The following LRP1B variants were observed in gnomAD, a reference collection of about 807,000 sequenced individuals.
LRP1B encodes the protein LDL receptor related protein 1B.
In LRP1B, 217 loss-of-function variants were observed where a neutral mutation model predicts 556.6. The observed-to-expected ratio is 0.39, with a 90% CI of 0.35 to 0.44. The LOEUF (loss-of-function observed/expected upper bound fraction) is 0.44. Among genes scored for constraint, LRP1B ranks in the 20% least tolerant of loss-of-function variants. The pLI is 1.00. For synonymous variants in LRP1B, 2,047 were observed against 1,865.8 expected, an observed-to-expected ratio of 1.10 and a Z score of -2.50; for missense variants, 5,053 against 5,620.8, an observed-to-expected ratio of 0.90 and a Z score of 3.23.
chr2:141,709,978 A>T (rs1692298255), intron 2 of LRP1B, among the ~76,000 whole-genome samples: 1 of 152,016 alleles, frequency 6.6e-6, no homozygotes, highest in African/African-American at 2.4e-5. Context: ...CACATGGTTG[A>T]AGTACAAGGG....
chr2:141,800,105 T>C (rs559416758), intron 2 of LRP1B, among the ~76,000 whole-genome samples: 2 of 152,274 alleles, frequency 1.3e-5, no homozygotes, highest in South Asian at 4.2e-4. Flanking sequence ...CCCTGTCATA[T>C]AGTAGTCACT....
At chr2:141,729,749 C>A (rs1312183864) in intron 2 of LRP1B, among the ~76,000 whole-genome samples, 1 of 152,146 alleles carries the variant, frequency 6.6e-6, no homozygotes, top group African/African-American at 2.4e-5. Flanking sequence ...GCTCTTTGAA[C>A]ATATTTTATT....
chr2:141,023,847 T>A (rs1051945151), intron 11 of LRP1B, among the ~76,000 whole-genome samples: 5 of 152,018 alleles, frequency 3.3e-5, no homozygotes, highest in Non-Finnish European at 7.4e-5. Flanking sequence ...TTTTTCTACC[T>A]TATACAAGTT....
At chr2:140,324,925 T>C (rs999928257) in intron 80 of LRP1B, among the ~76,000 whole-genome samples, 7 of 151,530 alleles carry the variant, frequency 4.6e-5, no homozygotes, top group African/African-American at 1.7e-4. Flanking sequence ...CACACACACT[T>C]TAGGCAAAGG....
intron 2 of LRP1B, among the ~76,000 whole-genome samples, chr2:141,524,726 A>C (rs1432319405): frequency 6.6e-6 from 1 of 152,006 alleles, no homozygotes; most frequent in African/African-American, 2.4e-5. Context: ...TTCACTATGC[A>C]GAGACTTGAA....
At chr2:141,752,943 C>CAAAAAAAAAAA (rs1406424286) in intron 2 of LRP1B, among the ~76,000 whole-genome samples, 1 of 986 alleles carries the variant, frequency 1.0e-3, no homozygotes, top group Non-Finnish European at 2.6e-3. Flanking sequence ...GACCCTGTCT[C>CAAAAAAAAAAA]AGAAAAAAAA....
chr2:142,104,163 C>T (rs1340129560), intron 1 of LRP1B, among the ~76,000 whole-genome samples: 3 of 151,978 alleles, frequency 2.0e-5, no homozygotes, highest in Admixed American at 6.6e-5. Context: ...ATCTATAATC[C>T]ACATATTACC....
intron 1 of LRP1B, among the ~76,000 whole-genome samples, chr2:141,859,626 C>T (rs1013108415): frequency 6.6e-6 from 1 of 152,074 alleles, no homozygotes; most frequent in Non-Finnish European, 1.5e-5. Context: ...CTGTATATTT[C>T]AAATGGCTAG....
chr2:140,691,993 T>C (rs1377867090), intron 41 of LRP1B, among the ~76,000 whole-genome samples: 1 of 152,108 alleles, frequency 6.6e-6, no homozygotes, highest in African/African-American at 2.4e-5. Flanking sequence ...TTTTCTTTTA[T>C]CTCTCCAGAG....
At chr2:140,327,884 AT>A (rs1287782774) in intron 79 of LRP1B, among the ~76,000 whole-genome samples, 3 of 152,032 alleles carry the variant, frequency 2.0e-5, no homozygotes, top group Non-Finnish European at 4.4e-5. Flanking sequence ...CTTGATAAAA[AT>A]TATATAACAA....
At chr2:141,083,962 A>T (rs1314286896) in intron 7 of LRP1B, among the ~76,000 whole-genome samples, 1 of 152,208 alleles carries the variant, frequency 6.6e-6, no homozygotes, top group Non-Finnish European at 1.5e-5. Context: ...TTTTATTAAA[A>T]ACCTGGTTCT....
At chr2:141,396,579 G>T (rs541399460) in intron 3 of LRP1B, among the ~76,000 whole-genome samples, 1 of 152,136 alleles carries the variant, frequency 6.6e-6, no homozygotes, top group South Asian at 2.1e-4. Context: ...CCTTTGCTAT[G>T]CCCTGACGTT....
intron 2 of LRP1B, among the ~76,000 whole-genome samples, chr2:141,486,583 TCTC>T (rs913507538): frequency 2.0e-5 from 3 of 152,030 alleles, no homozygotes; most frequent in African/African-American, 7.2e-5. Flanking sequence ...CAGCATGACT[TCTC>T]CTTCCCCGCA....
intron 71 of LRP1B, among the ~76,000 whole-genome samples, chr2:140,365,856 G>A (rs1232571402): frequency 6.6e-6 from 1 of 151,632 alleles, no homozygotes; most frequent in Admixed American, 6.6e-5. Flanking sequence ...CAAAATATGA[G>A]GCAGAGCAGT....
At chr2:142,048,675 C>T (rs1313322207) in intron 1 of LRP1B, among the ~76,000 whole-genome samples, 1 of 151,952 alleles carries the variant, frequency 6.6e-6, no homozygotes, top group Non-Finnish European at 1.5e-5. Context: ...CATTTTATAG[C>T]AAATATTGCT....
intron 6 of LRP1B, among the ~76,000 whole-genome samples, chr2:141,212,701 A>G (rs993047023): frequency 2.6e-5 from 4 of 152,122 alleles, no homozygotes; most frequent in Admixed American, 1.3e-4. Context: ...AGGTATATGC[A>G]AGGAATTGAT....
chr2:141,431,142 A>AAAATAAATAAAT (rs36102221), intron 3 of LRP1B, among the ~76,000 whole-genome samples: 1,924 of 148,264 alleles, frequency 0.013, 48 homozygotes, highest in African/African-American at 0.039. Context: ...TCAAAAAATC[A>AAAATAAATAAAT]AAATAAATAA....
chr2:140,953,222 C>T lies in LRP1B; in HGVS notation c.2888-1282G>A, dbSNP rs1204874192. Among the ~76,000 whole-genome samples the T allele has an allele frequency of 2.0e-5, 3 of 152,112 alleles. No homozygotes were observed. The East Asian group carries it at 5.8e-4, about 29-fold the overall frequency. On this transcript the variant is annotated intron_variant, in intron 18 of 90. Transcript: ENST00000389484. The stretch of plus-strand genomic sequence containing the variant: ...TCTCCTGCCTCAGCTTCCCAAGTAG[C>T]TGGGACTATAGGTGCGCACCACCAT...
intron 41 of LRP1B, among the ~76,000 whole-genome samples, chr2:140,667,835 C>T (rs1685333903): frequency 1.3e-5 from 2 of 152,184 alleles, no homozygotes; most frequent in South Asian, 4.1e-4. Flanking sequence ...ACGAACTTGG[C>T]TAATTCTCTT....
Sources: gnomAD v4.1 joint callset for allele counts (sites outside exome capture counted in the v4.1 genomes callset) on GRCh38, gnomAD v4.1.1 for gene constraint, MANE v1.5 for transcripts, NCBI Gene and HGNC (gene_info 2026-07-23, HGNC 2026-07-21) for gene names.